MARCHF3: variants seen among roughly 807,000 people sequenced by gnomAD.
MARCHF3 encodes the protein E3 ubiquitin-protein ligase MARCHF3.
Under a neutral mutation model 24.2 loss-of-function variants are expected in MARCHF3, and 13 were observed. The observed-to-expected ratio is 0.54, with a 90% CI of 0.35 to 0.85. MARCHF3 has a LOEUF of 0.85. Among genes scored for constraint, MARCHF3 ranks in the 40% least tolerant of loss-of-function variants. MARCHF3 has a pLI of 0.01. For synonymous variants in MARCHF3, 144 were observed against 137.3 expected, an observed-to-expected ratio of 1.05 and a Z score of -0.34; for missense variants, 276 against 325.0, an observed-to-expected ratio of 0.85 and a Z score of 1.16.
intron 2 of MARCHF3, among the ~76,000 whole-genome samples, chr5:126,916,692 G>GACAGACACACACACACACACACACAC (rs750408549): frequency 7.7e-6 from 1 of 130,482 alleles, no homozygotes; most frequent in African/African-American, 3.2e-5. Flanking sequence ...CAGACAGACA[G>GACAGACACACACACACACACACACAC]ACACACACAC....
intron 3 of MARCHF3, among the ~76,000 whole-genome samples, chr5:126,896,901 AT>A (rs1561783255): frequency 6.6e-6 from 1 of 152,004 alleles, no homozygotes; most frequent in Non-Finnish European, 1.5e-5. Context: ...ATGTGTGTCT[AT>A]TTTGGGGGAG....
chr5:127,008,299 T>C (rs1580481782), intron 1 of MARCHF3, among the ~76,000 whole-genome samples: 1 of 152,168 alleles, frequency 6.6e-6, no homozygotes, highest in East Asian at 1.9e-4. Context: ...CTCGAAGAAC[T>C]CCTGGATAAT....
At chr5:126,955,821 T>C (rs1407639743) in intron 1 of MARCHF3, among the ~76,000 whole-genome samples, 1 of 152,232 alleles carries the variant, frequency 6.6e-6, no homozygotes, top group East Asian at 1.9e-4. Context: ...TAGTGTAATC[T>C]TTCCTTTATG....
intron 1 of MARCHF3, among the ~76,000 whole-genome samples, chr5:126,964,873 G>C (rs969503134): frequency 6.6e-6 from 1 of 152,152 alleles, no homozygotes; most frequent in Non-Finnish European, 1.5e-5. Context: ...CTAGACCCTG[G>C]TGAGAGAAGA....
chr5:127,028,672 T>C (rs1486321477), intron 1 of MARCHF3, among the ~76,000 whole-genome samples: 1 of 152,082 alleles, frequency 6.6e-6, no homozygotes, highest in Non-Finnish European at 1.5e-5. Context: ...TAAACCCGTG[T>C]TGCATGGTGA....
chr5:126,913,818 T>C (rs1394504737), intron 3 of MARCHF3, among the ~76,000 whole-genome samples: 2 of 152,144 alleles, frequency 1.3e-5, no homozygotes, highest in African/African-American at 4.8e-5. Context: ...AAGCGCTTCT[T>C]GATTTCCAGC....
chr5:126,976,530 G>T (rs890639597), intron 1 of MARCHF3, among the ~76,000 whole-genome samples: 1 of 152,130 alleles, frequency 6.6e-6, no homozygotes, highest in African/African-American at 2.4e-5. Flanking sequence ...GTTTCCAAAA[G>T]CTGAGCCTCT....
At chr5:126,918,955 T>A (rs374905232) in intron 1 of MARCHF3, among the ~76,000 whole-genome samples, 1 of 152,324 alleles carries the variant, frequency 6.6e-6, no homozygotes, top group East Asian at 1.9e-4. Flanking sequence ...AATAAATACG[T>A]TAGCATGATG....
intron 1 of MARCHF3, among the ~76,000 whole-genome samples, chr5:126,933,914 A>T (rs1329259500): frequency 6.6e-6 from 1 of 152,204 alleles, no homozygotes; most frequent in Non-Finnish European, 1.5e-5. Context: ...CCATCTAAAG[A>T]TACTTGTGTA....
chr5:126,904,754 T>G lies in MARCHF3; in HGVS notation c.393+10176A>C, dbSNP rs540138330. On this transcript the variant is annotated intron_variant, in intron 3 of 4. Transcript: ENST00000308660. ...AGTAGGTTGGGAAAATTTTCTCCCA[T>G]TCTGTAGGTTGCCTGTTCACTCTGA... is the stretch of plus-strand genomic sequence containing the variant. 1.3e-3 allele frequency among the ~76,000 whole-genome samples: 198 copies of G among 151,892 alleles called. 1 individual carries two copies. The highest frequency in any genetic ancestry group is 6.0e-3 in the South Asian group (29 of 4,810).
rs576017266 is a variant in MARCHF3 at position 126,934,089 on chromosome 5, G to A, written c.-56-15862C>T. 2.7e-5 allele frequency among the ~76,000 whole-genome samples: 4 copies of A among 145,484 alleles called. No individual in the cohort carries two copies. The East Asian group carries it at 7.7e-4, about 28-fold the overall frequency. ...TTTACATGAGCAATCTTCTTTAATG[G>A]CAATGCAGTCATTGGGAAGACTGCA... On this transcript the variant is annotated intron_variant, in intron 1 of 4. Transcript: ENST00000308660.
At chr5:126,901,921 C>A (rs1275951164) in intron 3 of MARCHF3, among the ~76,000 whole-genome samples, 2 of 152,100 alleles carry the variant, frequency 1.3e-5, no homozygotes, top group African/African-American at 4.8e-5. Context: ...CAAAGCTTTT[C>A]TGCCAGCAGC....
At chr5:126,873,670 A>T (rs6595741) in intron 4 of MARCHF3, among the ~76,000 whole-genome samples, 152,369 of 152,382 alleles carry the variant, frequency 1, 76,178 homozygotes, top group Middle Eastern at 1. Context: ...TCCTGGTTCC[A>T]TGGCCAGGAA....
At chr5:126,917,110 G>C (rs1748888754) in intron 2 of MARCHF3, among the ~76,000 whole-genome samples, 1 of 152,124 alleles carries the variant, frequency 6.6e-6, no homozygotes, top group Non-Finnish European at 1.5e-5. Flanking sequence ...AAGAGAATAA[G>C]GTGTGAATGA....
At chr5:127,006,071 C>T (rs555631977) in intron 1 of MARCHF3, among the ~76,000 whole-genome samples, 1 of 151,948 alleles carries the variant, frequency 6.6e-6, no homozygotes, top group African/African-American at 2.4e-5. Flanking sequence ...GGCATGGTGG[C>T]ATGCACTTGT....
chr5:126,899,904 G>A (rs578063277), intron 3 of MARCHF3, among the ~76,000 whole-genome samples: 1 of 152,180 alleles, frequency 6.6e-6, no homozygotes, highest in South Asian at 2.1e-4. Context: ...CACTAGTGAT[G>A]AACCTACCTT....
Position 126,915,147 on chromosome 5 carries a change from G to A in MARCHF3, c.189-13C>T, listed in dbSNP as rs368415158. 1.9e-6 allele frequency: 3 copies of A among 1,611,806 alleles called. No homozygotes were observed. Among genetic ancestry groups the A allele is most frequent in the South Asian group, 2.2e-5 (2 of 90,898 alleles). ...GTCATTGAAGGGGCTGCAAGAGAAG[G>A]AGGGGCACCTGCTGGTCACTGGGCT... On this transcript the variant is annotated splice_polypyrimidine_tract_variant and intron_variant, in intron 2 of 4. Coordinates refer to ENST00000308660, the MANE Select transcript of MARCHF3 (RefSeq NM_178450.5).
chr5:127,005,563 G>A (rs535715167), intron 1 of MARCHF3, among the ~76,000 whole-genome samples: 3 of 152,098 alleles, frequency 2.0e-5, no homozygotes, highest in Non-Finnish European at 4.4e-5. Flanking sequence ...CCATCAATAG[G>A]CATGTGACTG....
intron 3 of MARCHF3, among the ~76,000 whole-genome samples, chr5:126,889,459 A>G (rs1182520184): frequency 6.6e-6 from 1 of 152,040 alleles, no homozygotes; most frequent in Admixed American, 6.6e-5. Context: ...AGGTGTAGTG[A>G]GAATGTGAGT....
Sources: gnomAD v4.1 joint callset for allele counts (sites outside exome capture counted in the v4.1 genomes callset) on GRCh38, gnomAD v4.1.1 for gene constraint, MANE v1.5 for transcripts, NCBI Gene and HGNC (gene_info 2026-07-23, HGNC 2026-07-21) for gene names.